Variants in NRXN1 observed in about 807,000 individuals in gnomAD.
The protein encoded by NRXN1 is neurexin 1, also known as neurexin-1.
NRXN1 carries 39 observed loss-of-function variants against 150.9 expected under a neutral mutation model. The observed-to-expected ratio is 0.26, with a 90% CI of 0.20 to 0.34. The LOEUF is 0.34. NRXN1 is among the 10% of genes least tolerant of loss of function. The pLI is 1.00. For synonymous variants in NRXN1, 924 were observed against 757.0 expected (o/e 1.22, Z -3.62); for missense variants, 1,815 against 1,949.9 (o/e 0.93, Z 1.30).
chr2:50,246,110 T>C (rs1003660902), intron 17 of NRXN1, among the ~76,000 whole-genome samples: 3 of 152,006 alleles, frequency 2.0e-5, no homozygotes, highest in South Asian at 2.1e-4. Flanking sequence ...CATTCTGACA[T>C]TTTTAGAGTC....
intron 2 of NRXN1, among the ~76,000 whole-genome samples, chr2:50,998,753 G>C (rs547620106): frequency 2.6e-5 from 4 of 151,996 alleles, no homozygotes; most frequent in African/African-American, 7.2e-5. Context: ...ATATTTCAAA[G>C]TATTTTATAA....
intron 5 of NRXN1, among the ~76,000 whole-genome samples, chr2:50,647,543 A>C (rs969719): frequency 0.17 from 25,459 of 151,850 alleles, 2,196 homozygotes; most frequent in Admixed American, 0.21. Context: ...TGGTATCCTA[A>C]CTAGTGGAAA....
At chr2:50,369,068 T>C (rs537461966) in intron 17 of NRXN1, among the ~76,000 whole-genome samples, 1 of 152,008 alleles carries the variant, frequency 6.6e-6, no homozygotes, top group South Asian at 2.1e-4. Flanking sequence ...GTACCCTGAC[T>C]AGGCAAATAA....
chr2:50,891,301 T>C (rs934738271), intron 5 of NRXN1, among the ~76,000 whole-genome samples: 8 of 151,994 alleles, frequency 5.3e-5, no homozygotes, highest in African/African-American at 1.9e-4. Flanking sequence ...CAAGTTGAAA[T>C]CAATACTCAT....
intron 5 of NRXN1, among the ~76,000 whole-genome samples, chr2:50,910,961 C>A (rs1346734794): frequency 6.6e-6 from 1 of 151,994 alleles, no homozygotes; most frequent in Non-Finnish European, 1.5e-5. Context: ...ACAAGTTCCA[C>A]TGACATTAAA....
At chr2:50,006,468 T>C (rs980794) in intron 21 of NRXN1, among the ~76,000 whole-genome samples, 127,373 of 152,104 alleles carry the variant, frequency 0.84, 53,407 homozygotes, top group Middle Eastern at 0.89. Context: ...TGCCCACCAT[T>C]TGCCTTTGCA....
At chr2:50,801,524 T>G (rs2352077) in intron 5 of NRXN1, among the ~76,000 whole-genome samples, 1 of 151,820 alleles carries the variant, frequency 6.6e-6, no homozygotes, top group Non-Finnish European at 1.5e-5. Flanking sequence ...ATGCGAGGAC[T>G]AAAGCATTCT....
chr2:50,599,705 G>T (rs1011563154), intron 8 of NRXN1, among the ~76,000 whole-genome samples: 28 of 152,172 alleles, frequency 1.8e-4, no homozygotes, highest in Admixed American at 1.8e-3. Context: ...CAGGAAATTT[G>T]TCTGGCTAAT....
chr2:50,572,297 C>T (rs904315629), intron 8 of NRXN1, among the ~76,000 whole-genome samples: 2 of 152,184 alleles, frequency 1.3e-5, no homozygotes, highest in Admixed American at 1.3e-4. Flanking sequence ...AAATATGATG[C>T]TATACCAAAT....
At chr2:50,417,866 T>C (rs1429090378) in intron 17 of NRXN1, among the ~76,000 whole-genome samples, 1 of 151,546 alleles carries the variant, frequency 6.6e-6, no homozygotes, top group Non-Finnish European at 1.5e-5. Context: ...AAGTATAAAA[T>C]GTAAAGAAGG....
intron 5 of NRXN1, among the ~76,000 whole-genome samples, chr2:50,772,669 A>G (rs1302902556): frequency 6.6e-5 from 10 of 152,078 alleles, no homozygotes; most frequent in Non-Finnish European, 7.4e-5. Context: ...TACAACACCT[A>G]ATTTGTTCTG....
At chr2:50,909,133 G>A (rs897904918) in intron 5 of NRXN1, among the ~76,000 whole-genome samples, 7 of 151,884 alleles carry the variant, frequency 4.6e-5, no homozygotes, top group East Asian at 1.9e-4. Flanking sequence ...ACAGCACATC[G>A]GATAAATTCA....
chr2:50,074,936 C>G (rs866587504), intron 19 of NRXN1, among the ~76,000 whole-genome samples: 4 of 152,120 alleles, frequency 2.6e-5, no homozygotes, highest in Non-Finnish European at 5.9e-5. Context: ...TAGTGGCCTT[C>G]TGGCATATTC....
chr2:50,303,946 AT>A (rs2074387172), intron 17 of NRXN1, among the ~76,000 whole-genome samples: 1 of 152,174 alleles, frequency 6.6e-6, no homozygotes, highest in Non-Finnish European at 1.5e-5. Context: ...TTCACTAAGA[AT>A]TATAATCTAG....
chr2:50,544,788 G>A (rs1462213597), intron 9 of NRXN1, among the ~76,000 whole-genome samples: 2 of 152,170 alleles, frequency 1.3e-5, no homozygotes, highest in African/African-American at 4.8e-5. Context: ...AAGATTTCAT[G>A]TATGAAGGAA....
intron 8 of NRXN1, among the ~76,000 whole-genome samples, chr2:50,566,158 G>A (rs1225300015): frequency 2.0e-5 from 3 of 152,156 alleles, no homozygotes; most frequent in Non-Finnish European, 4.4e-5. Context: ...TGTTGAACAA[G>A]TCCCCAGTAG....
chr2:50,461,022 A>G (rs1373844006), intron 17 of NRXN1, among the ~76,000 whole-genome samples: 1 of 152,000 alleles, frequency 6.6e-6, no homozygotes, highest in Non-Finnish European at 1.5e-5. Context: ...AGGTTTTTAA[A>G]AATATATGTT....
At chr2:50,983,863 T>C (rs1189011330) in intron 2 of NRXN1, among the ~76,000 whole-genome samples, 1 of 152,128 alleles carries the variant, frequency 6.6e-6, no homozygotes, top group African/African-American at 2.4e-5. Flanking sequence ...CTCTTCTACA[T>C]AAAATTCTGT....
chr2:50,199,890 C>G (rs1174780149), intron 18 of NRXN1, among the ~76,000 whole-genome samples: 1 of 152,068 alleles, frequency 6.6e-6, no homozygotes, highest in African/African-American at 2.4e-5. Context: ...AAAATTCATC[C>G]TAGAAAATCA....
Sources: gnomAD v4.1 joint callset for allele counts (sites outside exome capture counted in the v4.1 genomes callset) on GRCh38, gnomAD v4.1.1 for gene constraint, MANE v1.5 for transcripts, NCBI Gene and HGNC (gene_info 2026-07-23, HGNC 2026-07-21) for gene names.